The following COMMD10 variants were observed in gnomAD, a reference collection of about 807,000 sequenced individuals.
COMMD10 encodes COMM domain-containing protein 10.
A neutral mutation model predicts 28.9 loss-of-function variants in COMMD10; 33 were observed. The ratio of observed to expected loss-of-function variants is 1.14; its 90% confidence interval spans 0.87 to 1.53. COMMD10 has a LOEUF of 1.53. Ranked by LOEUF, COMMD10 falls within the 40% of genes most tolerant of loss-of-function variation. The pLI is 0.00. For synonymous variants in COMMD10, 110 were observed against 81.7 expected (o/e 1.35, Z -1.87); for missense variants, 310 against 233.4 (o/e 1.33, Z -2.14).
At chr5:116,101,687 A>C (rs1244670619) in intron 4 of COMMD10, among the ~76,000 whole-genome samples, 1 of 152,160 alleles carries the variant, frequency 6.6e-6, no homozygotes, top group Non-Finnish European at 1.5e-5. Context: ...AGCCTCCCAA[A>C]GTGTGGGCTT....
At chr5:116,165,434 T>C (rs1033136118) in intron 5 of COMMD10, among the ~76,000 whole-genome samples, 1 of 152,182 alleles carries the variant, frequency 6.6e-6, no homozygotes, top group Non-Finnish European at 1.5e-5. Context: ...CAAAACAAAA[T>C]ATCACAGGGT....
intron 5 of COMMD10, among the ~76,000 whole-genome samples, chr5:116,153,179 A>G (rs1752593704): frequency 6.6e-6 from 1 of 152,118 alleles, no homozygotes; most frequent in Admixed American, 6.6e-5. Flanking sequence ...CAGATCTTAC[A>G]TAGGTTAAGA....
rs183047143 is a variant in COMMD10 at position 116,228,227 on chromosome 5, A to G, written c.511-63290A>G. On this transcript the variant is annotated intron_variant, in intron 5 of 6. Coordinates refer to ENST00000274458, the MANE Select transcript of COMMD10 (RefSeq NM_016144.4). ...GTTATTGTAGTGATTTGGTTGAAAA[A>G]TAAACTTCTAATTCCCCTTTAAAAA... Among the ~76,000 whole-genome samples, 10 of 152,082 alleles carry G rather than the reference A, an allele frequency of 6.6e-5. No individual in the cohort carries two copies. The East Asian group carries it at 1.9e-3, about 29-fold the overall frequency.
At chr5:116,141,982 T>C (rs1447263052) in intron 5 of COMMD10, among the ~76,000 whole-genome samples, 1 of 151,836 alleles carries the variant, frequency 6.6e-6, no homozygotes, top group Non-Finnish European at 1.5e-5. Context: ...TTTTTAAAAA[T>C]CATGATTCAT....
intron 5 of COMMD10, among the ~76,000 whole-genome samples, chr5:116,222,857 A>G (rs1037063358): frequency 3.3e-5 from 5 of 151,874 alleles, no homozygotes; most frequent in African/African-American, 1.2e-4. Context: ...ACGCCTGGCT[A>G]ATTTTTTGTA....
intron 5 of COMMD10, 120 bp from the exon 6 acceptor site, chr5:116,291,397 G>A (rs555779876): frequency 8.8e-6 from 6 of 684,768 alleles, no homozygotes; most frequent in Admixed American, 3.0e-5. Context: ...GAGCAGGTAA[G>A]CATTTTTTAA....
chr5:116,232,414 A>G (rs971206558), intron 5 of COMMD10, among the ~76,000 whole-genome samples: 9 of 152,138 alleles, frequency 5.9e-5, no homozygotes, highest in Admixed American at 5.9e-4. Context: ...AACAAGCAAG[A>G]TAGGATAAAT....
At chr5:116,142,065 G>A (rs1270175079) in intron 5 of COMMD10, among the ~76,000 whole-genome samples, 1 of 151,790 alleles carries the variant, frequency 6.6e-6, no homozygotes, top group East Asian at 1.9e-4. Context: ...AGGAAAAACT[G>A]TTAAACTTAC....
At chr5:116,130,213 G>A (rs7722829) in intron 4 of COMMD10, among the ~76,000 whole-genome samples, 1 of 151,608 alleles carries the variant, frequency 6.6e-6, no homozygotes, top group Admixed American at 6.6e-5. Flanking sequence ...TACTGTATGC[G>A]GGACATTATT....
At chr5:116,175,461 A>G (rs925534372) in intron 5 of COMMD10, among the ~76,000 whole-genome samples, 1 of 152,166 alleles carries the variant, frequency 6.6e-6, no homozygotes, top group African/African-American at 2.4e-5. Context: ...CACTCTGGAA[A>G]ACAATATGGC....
intron 5 of COMMD10, among the ~76,000 whole-genome samples, chr5:116,219,890 T>C (rs534080482): frequency 4.6e-5 from 7 of 152,332 alleles, no homozygotes; most frequent in East Asian, 3.8e-4. Context: ...TGCCTCTTTC[T>C]GGTATTTTTT....
chr5:116,199,852 T>G (rs1442356291), intron 5 of COMMD10, among the ~76,000 whole-genome samples: 1 of 152,172 alleles, frequency 6.6e-6, no homozygotes. Context: ...GTATCTGGGA[T>G]TACAGGTATG....
intron 4 of COMMD10, among the ~76,000 whole-genome samples, chr5:116,128,710 T>TTATATTATTTGTTAGA (rs1428738558): frequency 3.3e-5 from 5 of 152,008 alleles, no homozygotes; most frequent in Admixed American, 6.6e-5. Flanking sequence ...TGGCAAATAA[T>TTATATTATTTGTTAGA]ATAAGAATAT....
intron 4 of COMMD10, among the ~76,000 whole-genome samples, chr5:116,103,850 T>G (rs1750744821): frequency 6.6e-6 from 1 of 152,234 alleles, no homozygotes; most frequent in African/African-American, 2.4e-5. Flanking sequence ...GGGGTCCATT[T>G]TCACTTTTCC....
chr5:116,228,726 G>C (rs182517814), intron 5 of COMMD10, among the ~76,000 whole-genome samples: 262 of 152,012 alleles, frequency 1.7e-3, no homozygotes, highest in Non-Finnish European at 2.9e-3. Flanking sequence ...TTCCTTTCAA[G>C]CTTATTAAAA....
At chr5:116,265,073 C>T (rs547042315) in intron 5 of COMMD10, among the ~76,000 whole-genome samples, 14 of 151,872 alleles carry the variant, frequency 9.2e-5, no homozygotes, top group Admixed American at 3.3e-4. Context: ...CTATTACAGA[C>T]ATTTTGTCTG....
chr5:116,289,469 C>G lies in COMMD10; in HGVS notation c.511-2048C>G, dbSNP rs138820231. 2.6e-3 allele frequency among the ~76,000 whole-genome samples: 395 copies of G among 151,978 alleles called. 1 individual carries two copies. Among genetic ancestry groups the G allele is most frequent in the Non-Finnish European group, 4.4e-3 (300 of 68,018 alleles). ...AATGTTTTCTGATATTTTGCTCCCT[C>G]TGGCACCTGCCCGTGGAACTGCAGC... On this transcript the variant is annotated intron_variant, in intron 5 of 6. Coordinates refer to ENST00000274458, the MANE Select transcript of COMMD10 (RefSeq NM_016144.4).
intron 5 of COMMD10, among the ~76,000 whole-genome samples, chr5:116,153,735 G>T (rs1752612969): frequency 1.3e-5 from 2 of 151,858 alleles, no homozygotes; most frequent in East Asian, 3.9e-4. Flanking sequence ...TTTAAGTGTG[G>T]GCCATGGCTT....
At chr5:116,273,905 A>G (rs755550830) in intron 5 of COMMD10, among the ~76,000 whole-genome samples, 3 of 151,744 alleles carry the variant, frequency 2.0e-5, no homozygotes, top group Non-Finnish European at 4.4e-5. Flanking sequence ...TGAGGGTACA[A>G]TTTACTTTTT....
Sources: gnomAD v4.1 joint callset for allele counts (sites outside exome capture counted in the v4.1 genomes callset) on GRCh38, gnomAD v4.1.1 for gene constraint, MANE v1.5 for transcripts, NCBI Gene and HGNC (gene_info 2026-07-23, HGNC 2026-07-21) for gene names.